The following CACNA2D3 variants were observed in gnomAD, a reference collection of about 807,000 sequenced individuals.
The protein encoded by CACNA2D3 is voltage-dependent calcium channel subunit alpha-2/delta-3.
A neutral mutation model predicts 160.6 loss-of-function variants in CACNA2D3; 60 were observed. That is an observed-to-expected ratio of 0.37 (90% confidence interval 0.30 to 0.46). CACNA2D3 has a LOEUF of 0.46. CACNA2D3 is among the 20% of genes least tolerant of loss of function. The probability of loss-of-function intolerance (pLI) is 1.00; values close to 1 mark genes in which losing one functional copy is unlikely to be tolerated. For synonymous variants in CACNA2D3, 558 were observed against 492.9 expected, an observed-to-expected ratio of 1.13 and a Z score of -1.75; for missense variants, 1,205 against 1,365.0, an observed-to-expected ratio of 0.88 and a Z score of 1.85.
intron 5 of CACNA2D3, among the ~76,000 whole-genome samples, chr3:54,547,918 TC>T (rs1702091176): frequency 6.6e-6 from 1 of 152,102 alleles, no homozygotes; most frequent in Non-Finnish European, 1.5e-5. Context: ...GGTCTCAAAC[TC>T]CTGGCCTCAA....
intron 27 of CACNA2D3, among the ~76,000 whole-genome samples, chr3:54,917,285 C>T (rs1389717168): frequency 6.6e-6 from 1 of 152,206 alleles, no homozygotes; most frequent in African/African-American, 2.4e-5. Flanking sequence ...ACTTTGCATG[C>T]AACTCTTCAA....
intron 4 of CACNA2D3, among the ~76,000 whole-genome samples, chr3:54,431,921 T>C (rs376145631): frequency 3.9e-5 from 6 of 152,314 alleles, no homozygotes; most frequent in East Asian, 1.9e-4. Context: ...TTTATAGCTA[T>C]ATTAAAATAT....
intron 2 of CACNA2D3, among the ~76,000 whole-genome samples, chr3:54,124,129 G>A (rs1455896925): frequency 2.6e-5 from 4 of 152,172 alleles, no homozygotes; most frequent in African/African-American, 7.2e-5. Context: ...GAATGAATGT[G>A]GTTATCTTTC....
chr3:54,854,101 T>G (rs1031819625), intron 17 of CACNA2D3, among the ~76,000 whole-genome samples: 3 of 152,146 alleles, frequency 2.0e-5, no homozygotes, highest in African/African-American at 7.2e-5. Context: ...AACCTAGGCC[T>G]GGTCTGAGTC....
At chr3:54,859,836 C>T (rs561841226) in intron 17 of CACNA2D3, among the ~76,000 whole-genome samples, 3 of 152,066 alleles carry the variant, frequency 2.0e-5, no homozygotes, top group African/African-American at 2.4e-5. Flanking sequence ...TTACTGCAGC[C>T]ATGACAGTTT....
In CACNA2D3 at chr3:54,252,100, G is replaced by GTTTTTTTTTTTTTTTT. The variant is rs548233026; in HGVS notation, c.205-68328_205-68327insTTTTTTTTTTTTTTTT. Among the ~76,000 whole-genome samples, 316 of 120,902 alleles carry GTTTTTTTTTTTTTTTT rather than the reference G, an allele frequency of 2.6e-3. 7 individuals are homozygous for GTTTTTTTTTTTTTTTT. Among genetic ancestry groups the GTTTTTTTTTTTTTTTT allele is most frequent in the East Asian group, 9.7e-3 (42 of 4,342 alleles). 79.3% of individuals were successfully genotyped at this position (120,902 alleles called of 152,430 possible). A position where few individuals can be genotyped will look rare whatever the true frequency, so the allele number is the denominator to read the frequency against. Reference sequence around the variant, plus strand: ...TCCAATTTCTCTTTTTGCAGAGCTAGTTTTTTTTTTTTTTGTACGATACTC... The same window carrying GTTTTTTTTTTTTTTTT: ...TCCAATTTCTCTTTTTGCAGAGCTAGTTTTTTTTTTTTTTTTTTTTTTTTTTTTTTGTACGATACTC... On this transcript the variant is annotated intron_variant, in intron 2 of 37. Transcript: ENST00000474759.
intron 13 of CACNA2D3, among the ~76,000 whole-genome samples, chr3:54,765,621 G>A (rs1047495375): frequency 3.9e-5 from 6 of 152,156 alleles, no homozygotes; most frequent in African/African-American, 9.7e-5. Flanking sequence ...GAGGAGGAGT[G>A]TGGCTAGCTA....
intron 5 of CACNA2D3, among the ~76,000 whole-genome samples, chr3:54,516,407 T>C (rs1701552397): frequency 6.6e-6 from 1 of 152,308 alleles, no homozygotes; most frequent in East Asian, 1.9e-4. Context: ...TTTTCTTTTT[T>C]CCACCCTCAC....
intron 5 of CACNA2D3, among the ~76,000 whole-genome samples, chr3:54,514,977 A>G (rs1701524285): frequency 6.6e-6 from 1 of 152,164 alleles, no homozygotes; most frequent in Non-Finnish European, 1.5e-5. Context: ...GTTCAATCTG[A>G]TGCATCAGCT....
intron 17 of CACNA2D3, among the ~76,000 whole-genome samples, chr3:54,863,939 C>T (rs1433452508): frequency 6.6e-6 from 1 of 152,176 alleles, no homozygotes; most frequent in African/African-American, 2.4e-5. Flanking sequence ...ACCCTCATGA[C>T]CCTTTTTCTC....
At chr3:54,810,572 C>A (rs895515011) in intron 13 of CACNA2D3, among the ~76,000 whole-genome samples, 1 of 152,126 alleles carries the variant, frequency 6.6e-6, no homozygotes, top group Non-Finnish European at 1.5e-5. Flanking sequence ...TTCATGAGGC[C>A]CGAGGCAAAG....
intron 3 of CACNA2D3, among the ~76,000 whole-genome samples, chr3:54,376,312 A>G (rs1018826997): frequency 6.6e-6 from 1 of 151,250 alleles, no homozygotes; most frequent in Admixed American, 6.6e-5. Context: ...GCTAACTTCC[A>G]CTCCTTTAAC....
chr3:55,040,126 G>A (rs570398759), intron 35 of CACNA2D3, among the ~76,000 whole-genome samples: 6 of 152,144 alleles, frequency 3.9e-5, no homozygotes, highest in South Asian at 2.1e-4. Context: ...GTATCCTCAC[G>A]TGATAGATGG....
chr3:54,935,507 C>T (rs1037831085), intron 27 of CACNA2D3, among the ~76,000 whole-genome samples: 1 of 152,158 alleles, frequency 6.6e-6, no homozygotes, highest in Non-Finnish European at 1.5e-5. Context: ...GGAAGCCTGG[C>T]CAAAGCCTCA....
intron 14 of CACNA2D3, among the ~76,000 whole-genome samples, chr3:54,817,245 G>T (rs1362054762): frequency 6.6e-6 from 1 of 152,176 alleles, no homozygotes; most frequent in Non-Finnish European, 1.5e-5. Context: ...GTAAGGCGTG[G>T]TAACCAAGTT....
intron 14 of CACNA2D3, among the ~76,000 whole-genome samples, chr3:54,826,445 G>C (rs1175912188): frequency 6.6e-6 from 1 of 152,144 alleles, no homozygotes; most frequent in Non-Finnish European, 1.5e-5. Flanking sequence ...ACCCAACCAA[G>C]TTTCATGAAG....
intron 11 of CACNA2D3, among the ~76,000 whole-genome samples, chr3:54,681,089 T>G (rs1236830651): frequency 6.6e-6 from 1 of 151,936 alleles, no homozygotes; most frequent in South Asian, 2.1e-4. Flanking sequence ...GTTCCCATTT[T>G]TAAAATTTTC....
At chr3:55,000,642 C>T (rs1195498359) in intron 31 of CACNA2D3, among the ~76,000 whole-genome samples, 1 of 152,198 alleles carries the variant, frequency 6.6e-6, no homozygotes, top group African/African-American at 2.4e-5. Context: ...TTAGCCCCAA[C>T]ATGTAAACTA....
At chr3:54,480,610 G>GA (rs1281538808) in intron 4 of CACNA2D3, among the ~76,000 whole-genome samples, 3 of 152,084 alleles carry the variant, frequency 2.0e-5, no homozygotes, top group African/African-American at 7.2e-5. Context: ...ATTTTTAATT[G>GA]AAAAATGGGC....
Sources: gnomAD v4.1 joint callset for allele counts (sites outside exome capture counted in the v4.1 genomes callset) on GRCh38, gnomAD v4.1.1 for gene constraint, MANE v1.5 for transcripts, NCBI Gene and HGNC (gene_info 2026-07-23, HGNC 2026-07-21) for gene names.